Variants in SLC35F4 observed in about 807,000 individuals in gnomAD.
The protein encoded by SLC35F4 is chromosome 14 open reading frame 36.
Under a neutral mutation model 44.2 loss-of-function variants are expected in SLC35F4, and 24 were observed. That is an observed-to-expected ratio of 0.54 (90% CI 0.39 to 0.76). SLC35F4 has a LOEUF of 0.76. SLC35F4 is among the 30% of genes least tolerant of loss of function. The probability of loss-of-function intolerance (pLI) is 0.00; values close to 1 mark genes in which losing one functional copy is unlikely to be tolerated. For missense variants in SLC35F4, 562 were observed against 586.1 expected, an observed-to-expected ratio of 0.96 and a Z score of 0.42; for synonymous variants, 238 against 223.6, an observed-to-expected ratio of 1.06 and a Z score of -0.57.
rs2068913858 is a variant in SLC35F4, at chr14:57,577,905, C to T, written c.807+3309G>A. On this transcript the variant is annotated intron_variant, in intron 4 of 7. Transcript: ENST00000556826. ...TTGCTCATGAAAGGGCTTTTTATAA[C>T]ACATCATAGATTACCAATAAATGGG... is the stretch of plus-strand genomic sequence containing the variant. Among the ~76,000 whole-genome samples the T allele has an allele frequency of 2.0e-5, 3 of 152,144 alleles. No individual in the cohort carries two copies. In the South Asian group the frequency reaches 6.2e-4, roughly 32 times the overall value.
intron 1 of SLC35F4, among the ~76,000 whole-genome samples, chr14:57,759,469 A>G (rs1468002847): frequency 6.6e-6 from 1 of 152,144 alleles, no homozygotes; most frequent in Non-Finnish European, 1.5e-5. Context: ...GATCCCAGCT[A>G]CTAGGAAGAC....
In SLC35F4 at chr14:57,664,195, T is replaced by A. The variant is rs564998822; in HGVS notation, c.104-70071A>T. ...GAGACAGATGTGCAGAGAACACACA[T>A]CTAGGTCAGTCTGATGTTCAGCAAC... is the stretch of plus-strand genomic sequence containing the variant. On this transcript the variant is annotated intron_variant, in intron 1 of 7. Coordinates refer to ENST00000556826, the MANE Select transcript of SLC35F4 (RefSeq NM_001306087.2). 3.9e-5 allele frequency among the ~76,000 whole-genome samples: 6 copies of A among 152,224 alleles called. No individual in the cohort carries two copies. In the East Asian group the frequency reaches 7.7e-4, roughly 20 times the overall value.
intron 1 of SLC35F4, among the ~76,000 whole-genome samples, chr14:57,597,633 G>C (rs978517285): frequency 6.6e-6 from 1 of 152,190 alleles, no homozygotes. Context: ...AGCAGGGAAG[G>C]CTCTGTGGAA....
intron 3 of SLC35F4, among the ~76,000 whole-genome samples, chr14:57,585,520 G>T (rs964941637): frequency 3.3e-5 from 5 of 151,998 alleles, no homozygotes; most frequent in African/African-American, 1.2e-4. Context: ...AAAAATAAAG[G>T]GTATCCAAGT....
chr14:57,888,800 T>A (rs944076128), intron 1 of SLC35F4, among the ~76,000 whole-genome samples: 2 of 152,240 alleles, frequency 1.3e-5, no homozygotes, highest in African/African-American at 4.8e-5. Flanking sequence ...GTGCCAGTTG[T>A]GGCTCTAAAC....
In SLC35F4 at chr14:57,581,447, G is replaced by C. The variant is rs776175233; in HGVS notation, c.588-14C>G. The C allele has an allele frequency of 1.3e-6, 2 of 1,595,702 alleles. No individual in the cohort carries two copies. The highest frequency in any genetic ancestry group is 1.1e-5 in the South Asian group (1 of 88,116). Reference sequence around the variant, plus strand: ...CGACTGCATTCCCTAGGAAAGAAAAGAGAAGTTAATATCCAGGTACTGATG... The same window carrying C: ...CGACTGCATTCCCTAGGAAAGAAAACAGAAGTTAATATCCAGGTACTGATG... On this transcript the variant is annotated splice_polypyrimidine_tract_variant and intron_variant, in intron 3 of 7. Coordinates refer to ENST00000556826, the MANE Select transcript of SLC35F4 (RefSeq NM_001306087.2).
At chr14:57,937,647 AAAG>A (rs1468955051) in intron 1 of SLC35F4, among the ~76,000 whole-genome samples, 2 of 139,626 alleles carry the variant, frequency 1.4e-5, no homozygotes, top group South Asian at 2.2e-4. Context: ...AAAGAAAAGA[AAAG>A]AAAAAAGAAA....
intron 1 of SLC35F4, among the ~76,000 whole-genome samples, chr14:57,683,256 T>G (rs1187506867): frequency 6.6e-6 from 1 of 152,208 alleles, no homozygotes; most frequent in Non-Finnish European, 1.5e-5. Flanking sequence ...ACAAAGTCAT[T>G]TGAATTTTTA....
At chr14:57,965,942 A>G (rs1323109043) in intron 1 of SLC35F4, among the ~76,000 whole-genome samples, 1 of 152,160 alleles carries the variant, frequency 6.6e-6, no homozygotes, top group Non-Finnish European at 1.5e-5. Flanking sequence ...CTCTGGGCCA[A>G]CGAAAAGGAC....
At chr14:57,868,129 A>G (rs1888222044), upstream of SLC35F4, among the ~76,000 whole-genome samples, 1 of 152,238 alleles carries the variant, frequency 6.6e-6, no homozygotes, top group Non-Finnish European at 1.5e-5. Context: ...ATAAATTTAA[A>G]TACTACAATG....
intron 1 of SLC35F4, among the ~76,000 whole-genome samples, chr14:57,594,485 T>C (rs2070378344): frequency 1.3e-5 from 2 of 152,116 alleles, no homozygotes; most frequent in Non-Finnish European, 2.9e-5. Context: ...TCAAATTCTA[T>C]AAAAGGGGCT....
intron 4 of SLC35F4, among the ~76,000 whole-genome samples, chr14:57,576,552 T>G (rs1310219183): frequency 6.6e-6 from 1 of 152,216 alleles, no homozygotes. Flanking sequence ...ATCCTTAAAC[T>G]TCTGCATATG....
rs376332149 is a variant in SLC35F4 at position 57,769,995 on chromosome 14, A to T, written c.103+95728T>A. Among the ~76,000 whole-genome samples, 8 of 152,298 alleles carry T rather than the reference A, an allele frequency of 5.3e-5. No homozygotes were observed. The East Asian group carries it at 1.4e-3, about 26-fold the overall frequency. On this transcript the variant is annotated intron_variant, in intron 1 of 7. Coordinates refer to ENST00000556826, the MANE Select transcript of SLC35F4 (RefSeq NM_001306087.2). The stretch of plus-strand genomic sequence containing the variant: ...ATCTGCCTTCTTTGCCAAGGGCCCC[A>T]GTTCTGAATTTAGAAAAGAAAGTAC...
intron 1 of SLC35F4, among the ~76,000 whole-genome samples, chr14:57,675,909 G>A (rs1373203400): frequency 1.3e-5 from 2 of 151,906 alleles, no homozygotes; most frequent in African/African-American, 4.8e-5. Context: ...CATTGGCTTA[G>A]GCAAAGAATT....
intron 1 of SLC35F4, among the ~76,000 whole-genome samples, chr14:57,717,271 GTTTT>G: frequency 6.6e-6 from 1 of 152,188 alleles, no homozygotes; most frequent in Non-Finnish European, 1.5e-5. Flanking sequence ...TCTGTTTTTA[GTTTT>G]TTGAGGATCC....
intron 1 of SLC35F4, among the ~76,000 whole-genome samples, chr14:57,932,277 A>G (rs1889711902): frequency 6.6e-6 from 1 of 152,164 alleles, no homozygotes; most frequent in African/African-American, 2.4e-5. Flanking sequence ...GGATTCTTCC[A>G]TCTCTTTATC....
chr14:57,784,780 C>T (rs527816200), intron 1 of SLC35F4, among the ~76,000 whole-genome samples: 2 of 152,254 alleles, frequency 1.3e-5, no homozygotes, highest in East Asian at 1.9e-4. Flanking sequence ...ACCTAACTCT[C>T]TTGCCTCCCC....
intron 1 of SLC35F4, among the ~76,000 whole-genome samples, chr14:57,781,303 C>T (rs2140745041): frequency 6.6e-6 from 1 of 152,206 alleles, no homozygotes; most frequent in East Asian, 1.9e-4. Flanking sequence ...GCCCAACAAG[C>T]ATATTTTTAA....
intron 1 of SLC35F4, among the ~76,000 whole-genome samples, chr14:57,736,948 GT>G (rs35264343): frequency 2.6e-5 from 4 of 151,706 alleles, no homozygotes; most frequent in African/African-American, 7.3e-5. Context: ...ACACTGCACT[GT>G]TTTTTTTCTA....
Sources: gnomAD v4.1 joint callset for allele counts (sites outside exome capture counted in the v4.1 genomes callset) on GRCh38, gnomAD v4.1.1 for gene constraint, MANE v1.5 for transcripts, NCBI Gene and HGNC (gene_info 2026-07-23, HGNC 2026-07-21) for gene names.